Variants in VPS53 observed in about 807,000 individuals in gnomAD.
The protein encoded by VPS53 is vacuolar protein sorting-associated protein 53 homolog.
A neutral mutation model predicts 107.0 loss-of-function variants in VPS53; 70 were observed. That is an observed-to-expected ratio of 0.65 (90% CI 0.54 to 0.80). The LOEUF is 0.80. VPS53 is among the 30% of genes least tolerant of loss of function. The pLI is 0.00. For synonymous variants in VPS53, 409 were observed against 393.3 expected (o/e 1.04, Z -0.47); for missense variants, 917 against 1,049.4 (o/e 0.87, Z 1.74).
intron 4 of VPS53, among the ~76,000 whole-genome samples, chr17:692,730 C>A (rs1044506836): frequency 1.3e-5 from 2 of 152,216 alleles, no homozygotes; most frequent in Non-Finnish European, 2.9e-5. Context: ...TAGCCGGGTG[C>A]GGTGGCTCAC....
intron 18 of VPS53, among the ~76,000 whole-genome samples, chr17:534,646 G>T (rs1230828195): frequency 6.6e-5 from 10 of 152,194 alleles, no homozygotes; most frequent in African/African-American, 2.4e-4. Context: ...GACTGGGCAT[G>T]GCAGCTCATG....
At chr17:584,312 G>C (rs1326505171) in intron 13 of VPS53, among the ~76,000 whole-genome samples, 1 of 152,152 alleles carries the variant, frequency 6.6e-6, no homozygotes, top group Admixed American at 6.5e-5. Flanking sequence ...GGACAAGGAC[G>C]CAGGGATGAG....
intron 2 of VPS53, among the ~76,000 whole-genome samples, chr17:708,874 A>G (rs538549995): frequency 1.3e-5 from 2 of 152,342 alleles, no homozygotes; most frequent in Admixed American, 6.5e-5. Context: ...TCCTATTTCT[A>G]TTATAACTCT....
intron 4 of VPS53, among the ~76,000 whole-genome samples, chr17:685,791 G>A (rs1972564087): frequency 1.3e-5 from 2 of 152,110 alleles, no homozygotes; most frequent in South Asian, 2.1e-4. Context: ...CTTGAGGTAA[G>A]GAGTCCAAGA....
At chr17:536,872 G>A in intron 18 of VPS53, 156 bp downstream of exon 18, 1 of 882,930 alleles carries the variant, frequency 1.1e-6, no homozygotes, top group Non-Finnish European at 1.7e-6. Context: ...GTGGGGAGGT[G>A]TCGGTAATGG....
intron 10 of VPS53, among the ~76,000 whole-genome samples, chr17:626,428 G>T (rs1034569927): frequency 6.6e-6 from 1 of 152,130 alleles, no homozygotes; most frequent in African/African-American, 2.4e-5. Context: ...CCGGCACTTC[G>T]GGAGGCTAAA....
intron 4 of VPS53, among the ~76,000 whole-genome samples, chr17:662,196 A>T (rs1436325339): frequency 6.6e-6 from 1 of 152,184 alleles, no homozygotes; most frequent in East Asian, 1.9e-4. Flanking sequence ...GGACAAGTAG[A>T]TCTCTGTGTG....
At position 543,783 on chromosome 17, in the gene VPS53, A is replaced by AGAAGGAAGGAAGGAAGGAAGGAAG. The variant is rs1195835497; in HGVS notation, c.1867-6631_1867-6608dup. Among the ~76,000 whole-genome samples the AGAAGGAAGGAAGGAAGGAAGGAAG allele has an allele frequency of 8.2e-3, 356 of 43,156 alleles. 32 individuals carry two copies. The highest frequency in any genetic ancestry group is 0.066 in the East Asian group (38 of 578). 28.3% of individuals were successfully genotyped at this position (43,156 alleles called of 152,430 possible). On this transcript the variant is annotated intron_variant, in intron 17 of 21. Transcript: ENST00000437048. ...TGGCTTTGGGCATAATATGAAGAAG[A>AGAAGGAAGGAAGGAAGGAAGGAAG]GAAGGAAGGAAGGAAGGAAGGAAGG...
chr17:697,383 G>C (rs753815137), intron 4 of VPS53, 35 bp downstream of exon 4: 1 of 1,578,670 alleles, frequency 6.3e-7, no homozygotes, highest in Non-Finnish European at 8.7e-7. Context: ...AGAAACCAGG[G>C]GAGCATAGGT....
In VPS53 at chr17:519,327, A is replaced by C; in HGVS notation, c.2329-29T>G. ...AGGTTGAGAGAGAAACAGAACCGTC[A>C]CGAAGTCTGGGCCAGAATGGCCCAC... On this transcript the variant is annotated intron_variant, in intron 21 of 21. Transcript: ENST00000437048. This position sits in a 1 kb window ranked among gnomAD's most constrained non-coding sequence, Gnocchi z 5.0. 1 of 1,453,832 alleles carries C rather than the reference A, an allele frequency of 6.9e-7. No homozygotes were observed. The highest frequency in any genetic ancestry group is 9.1e-7 in the Non-Finnish European group (1 of 1,101,712). The allele number at this position is 1,453,832 out of a possible 1,614,324, so 90.1% of individuals were successfully genotyped here.
In VPS53 at chr17:661,884, C is replaced by G; in HGVS notation, c.297G>C (p.Glu99Asp). ...VGQDGRQALE[E>D]AQKAIQQLFG... ...AGAGTTGTTGGATAGCTTTCTGAGC[C>G]TCTTCAAGCGCCTAGAGTAAGGGAA... is the stretch of plus-strand genomic sequence containing the variant. The change falls in exon 5 of 22, where the codon GAG becomes GAC. Residue 99 changes from glutamate to aspartate, a missense_variant. Glu to Asp is a conservative substitution (Grantham distance 45). Coordinates refer to ENST00000437048, the MANE Select transcript of VPS53 (RefSeq NM_001128159.3). The G allele has an allele frequency of 6.4e-7, 1 of 1,552,174 alleles. No individual in the cohort carries two copies. The highest frequency in any genetic ancestry group is 8.7e-7 in the Non-Finnish European group (1 of 1,147,046).
chr17:689,938 T>G (rs762461478), intron 4 of VPS53, among the ~76,000 whole-genome samples: 18 of 152,302 alleles, frequency 1.2e-4, no homozygotes, highest in Non-Finnish European at 2.4e-4. Flanking sequence ...CCTCCTTTTT[T>G]GGTGAAAATC....
intron 13 of VPS53, among the ~76,000 whole-genome samples, chr17:572,690 A>C (rs960782825): frequency 3.8e-4 from 57 of 150,648 alleles, no homozygotes; most frequent in African/African-American, 1.1e-3. Context: ...ACCAAGAAAA[A>C]TTCTTCTGCC....
At chr17:595,690 A>T (rs536552603) in intron 12 of VPS53, among the ~76,000 whole-genome samples, 2 of 128,426 alleles carry the variant, frequency 1.6e-5, no homozygotes, top group African/African-American at 6.0e-5. Flanking sequence ...CCCCCCCTGG[A>T]GGAAGCTGGG....
At chr17:661,944 C>G in intron 4 of VPS53, 49 bp from the exon 5 acceptor site, 2 of 1,436,736 alleles carry the variant, frequency 1.4e-6, no homozygotes, top group Non-Finnish European at 9.6e-7. Flanking sequence ...AGAGACAGCT[C>G]CAGTCACTAA....
chr17:565,296 G>C (rs991247620), intron 13 of VPS53, among the ~76,000 whole-genome samples: 1 of 150,856 alleles, frequency 6.6e-6, no homozygotes, highest in African/African-American at 2.4e-5. Flanking sequence ...CCAGCTACTC[G>C]GGAGGCTGAG....
chr17:679,135 G>A lies in VPS53; in HGVS notation c.286-17240C>T, dbSNP rs530751449. Among the ~76,000 whole-genome samples the A allele has an allele frequency of 2.0e-5, 3 of 152,252 alleles. No individual in the cohort carries two copies. In the East Asian group the frequency reaches 5.8e-4, roughly 29 times the overall value. ...GAGGAGAACTGACAAATATATCCAA[G>A]TGCAAGTCCTCTGAGAAGGCCTAAA... On this transcript the variant is annotated intron_variant, in intron 4 of 21. Transcript: ENST00000437048.
intron 13 of VPS53, among the ~76,000 whole-genome samples, chr17:574,149 T>C (rs1030051956): frequency 6.6e-6 from 1 of 152,192 alleles, no homozygotes; most frequent in Non-Finnish European, 1.5e-5. Flanking sequence ...ATTTTCTACT[T>C]TGAGTTACAG....
intron 4 of VPS53, among the ~76,000 whole-genome samples, chr17:693,150 A>G (rs1203493431): frequency 6.6e-6 from 1 of 152,142 alleles, no homozygotes; most frequent in Non-Finnish European, 1.5e-5. Flanking sequence ...AACAAAAAAC[A>G]AAGAAGCAAG....
Sources: gnomAD v4.1 joint callset for allele counts (sites outside exome capture counted in the v4.1 genomes callset) on GRCh38, gnomAD v4.1.1 for gene constraint, Gnocchi (gnomAD v3.1) non-coding constraint, MANE v1.5 for transcripts, NCBI Gene and HGNC (gene_info 2026-07-23, HGNC 2026-07-21) for gene names.